The following PARD3 variants were observed in gnomAD, a reference collection of about 807,000 sequenced individuals.
PARD3 encodes partitioning defective 3 homolog.
PARD3 carries 75 observed loss-of-function variants against 155.4 expected under a neutral mutation model. That is an observed-to-expected ratio of 0.48 (90% CI 0.40 to 0.58). PARD3 has a LOEUF of 0.58. PARD3 is among the 20% of genes least tolerant of loss of function. The pLI is 0.00. For missense variants in PARD3, 1,642 were observed against 1,721.7 expected, an observed-to-expected ratio of 0.95 and a Z score of 0.82; for synonymous variants, 576 against 610.5, an observed-to-expected ratio of 0.94 and a Z score of 0.83.
chr10:34,698,324 C>G (rs1011151527), intron 1 of PARD3, among the ~76,000 whole-genome samples: 1 of 152,092 alleles, frequency 6.6e-6, no homozygotes, highest in Non-Finnish European at 1.5e-5. Flanking sequence ...TCAGAACTTG[C>G]TACATTTCCA....
At chr10:34,793,207 A>C (rs1450337818) in intron 1 of PARD3, among the ~76,000 whole-genome samples, 1 of 152,174 alleles carries the variant, frequency 6.6e-6, no homozygotes, top group Admixed American at 6.5e-5. Flanking sequence ...GCAGATGAAA[A>C]AATGGGAGAG....
chr10:34,346,009 A>G lies in PARD3; in HGVS notation c.2218+1956T>C, dbSNP rs113529454. 3,920 of 984,630 alleles carry G rather than the reference A, an allele frequency of 4.0e-3. 116 individuals are homozygous for G. In the African/African-American group the frequency reaches 0.063, roughly 16 times the overall value. 61.0% of individuals were successfully genotyped at this position (984,630 alleles called of 1,614,324 possible). A position where few individuals can be genotyped will look rare whatever the true frequency, so the allele number is the denominator to read the frequency against. On this transcript the variant is annotated intron_variant, in intron 15 of 24. Transcript: ENST00000374788. ...ATTATCTTAAGAAAATATCCAAATC[A>G]TAAAAACATCAATTTAGCCTACCCT... is the stretch of plus-strand genomic sequence containing the variant.
chr10:34,270,753 A>T (rs1040141159), intron 21 of PARD3, among the ~76,000 whole-genome samples: 1 of 152,200 alleles, frequency 6.6e-6, no homozygotes. Flanking sequence ...ATTTCATGGG[A>T]TGCATACAGA....
At position 34,110,292 on chromosome 10, in the gene PARD3, A is replaced by T. The variant is rs1232086508; in HGVS notation, c.*877T>A. 3 of 152,150 alleles carry T rather than the reference A, an allele frequency of 2.0e-5. No individual in the cohort carries two copies. Among genetic ancestry groups the T allele is most frequent in the Admixed American group, 6.5e-5 (1 of 15,268 alleles). The allele number at this position is 152,150 out of a possible 1,614,324, so 9.4% of individuals were successfully genotyped here. On this transcript the variant is annotated 3_prime_UTR_variant, in exon 25 of 25. Transcript: ENST00000374788. Reference sequence around the variant, plus strand: ...TTCCTGACAAGCTGTCAGAACAAAAACTAATTAAAATAATTACTAGGATGT... The same window carrying T: ...TTCCTGACAAGCTGTCAGAACAAAATCTAATTAAAATAATTACTAGGATGT...
intron 22 of PARD3, among the ~76,000 whole-genome samples, chr10:34,247,488 C>T (rs573288381): frequency 1.3e-5 from 2 of 152,080 alleles, no homozygotes; most frequent in East Asian, 3.9e-4. Flanking sequence ...CGTGACACAG[C>T]GACTCTGAAA....
intron 2 of PARD3, among the ~76,000 whole-genome samples, chr10:34,586,841 C>G (rs1276825827): frequency 6.6e-6 from 1 of 152,034 alleles, no homozygotes; most frequent in Non-Finnish European, 1.5e-5. Flanking sequence ...CCCAGCTACT[C>G]AGGAGGCTGA....
In PARD3 at chr10:34,297,543, C is replaced by A. The variant is rs146313577; in HGVS notation, c.3066-13298G>T. 5.3e-5 allele frequency among the ~76,000 whole-genome samples: 8 copies of A among 152,314 alleles called. No homozygotes were observed. The East Asian group carries it at 1.5e-3, about 29-fold the overall frequency. On this transcript the variant is annotated intron_variant, in intron 20 of 24. Coordinates refer to ENST00000374788, the MANE Select transcript of PARD3 (RefSeq NM_001184785.2). ...AGAATATCTAAACATTCATCTCCTC[C>A]TCCATTTCCAGGTAGCTACTCTAGT...
intron 2 of PARD3, among the ~76,000 whole-genome samples, chr10:34,611,218 G>T (rs1054263994): frequency 6.6e-6 from 1 of 152,136 alleles, no homozygotes; most frequent in African/African-American, 2.4e-5. Flanking sequence ...GTGATGGCTG[G>T]TAAAATTAAT....
chr10:34,543,065 G>T (rs912719539), intron 2 of PARD3, among the ~76,000 whole-genome samples: 3 of 151,616 alleles, frequency 2.0e-5, no homozygotes, highest in Non-Finnish European at 2.9e-5. Context: ...AACTTGGTTT[G>T]GATCCATAAG....
At chr10:34,509,952 G>C (rs1036529902) in intron 3 of PARD3, among the ~76,000 whole-genome samples, 1 of 152,154 alleles carries the variant, frequency 6.6e-6, no homozygotes, top group Non-Finnish European at 1.5e-5. Flanking sequence ...CACTCAACTA[G>C]TTTCTAGATC....
chr10:34,349,580 T>TAAAAAAAAAAAAAAAAAAA, intron 14 of PARD3, among the ~76,000 whole-genome samples: 7 of 44,712 alleles, frequency 1.6e-4, no homozygotes, highest in East Asian at 1.9e-3. Context: ...TCTGGGAAAG[T>TAAAAAAAAAAAAAAAAAAA]AAAAAAAAAA....
chr10:34,364,152 T>C (rs1256895377), intron 12 of PARD3, among the ~76,000 whole-genome samples: 1 of 151,858 alleles, frequency 6.6e-6, no homozygotes, highest in Admixed American at 6.6e-5. Context: ...AAAAAGGAAA[T>C]AAGAGTTGAT....
chr10:34,355,946 A>AAAAAAAAAAAAAAAAAAAAAAG (rs1838806140), intron 14 of PARD3, among the ~76,000 whole-genome samples: 1 of 103,916 alleles, frequency 9.6e-6, no homozygotes, highest in Non-Finnish European at 1.9e-5. Flanking sequence ...AAAAAAAAAA[A>AAAAAAAAAAAAAAAAAAAAAAG]CAAAACAAAA....
At chr10:34,510,356 C>A (rs1219342989) in intron 3 of PARD3, among the ~76,000 whole-genome samples, 1 of 152,142 alleles carries the variant, frequency 6.6e-6, no homozygotes, top group Non-Finnish European at 1.5e-5. Flanking sequence ...ATGATAGCTG[C>A]CCCCTAACTA....
chr10:34,462,959 G>A (rs2077750479), intron 4 of PARD3, among the ~76,000 whole-genome samples: 1 of 109,516 alleles, frequency 9.1e-6, no homozygotes, highest in Non-Finnish European at 1.9e-5. Flanking sequence ...GAAGAGAAGG[G>A]GGGAAGGGAG....
intron 2 of PARD3, among the ~76,000 whole-genome samples, chr10:34,592,482 A>G (rs754522842): frequency 3.3e-5 from 5 of 152,202 alleles, no homozygotes; most frequent in Admixed American, 6.5e-5. Flanking sequence ...ACTGCCATCA[A>G]AAAGAGGACT....
chr10:34,811,739 T>C (rs566768892), intron 1 of PARD3, among the ~76,000 whole-genome samples: 8 of 152,200 alleles, frequency 5.3e-5, no homozygotes, highest in Non-Finnish European at 8.8e-5. Flanking sequence ...AGCATGACTT[T>C]TTATACACAG....
chr10:34,144,777 G>A (rs1948374610), intron 22 of PARD3, among the ~76,000 whole-genome samples: 1 of 152,040 alleles, frequency 6.6e-6, no homozygotes, highest in African/African-American at 2.4e-5. Context: ...ATATGAAAAT[G>A]ATTTTACAAT....
At chr10:34,390,120 T>C (rs1343455233) in intron 7 of PARD3, among the ~76,000 whole-genome samples, 1 of 151,840 alleles carries the variant, frequency 6.6e-6, no homozygotes, top group Non-Finnish European at 1.5e-5. Context: ...TTTTCAAAAG[T>C]TATTAAATTA....
Sources: gnomAD v4.1 joint callset for allele counts (sites outside exome capture counted in the v4.1 genomes callset) on GRCh38, gnomAD v4.1.1 for gene constraint, MANE v1.5 for transcripts, NCBI Gene and HGNC (gene_info 2026-07-23, HGNC 2026-07-21) for gene names.